Variants in RCOR1 observed in about 807,000 individuals in gnomAD.
The protein encoded by RCOR1 is REST corepressor.
In RCOR1, 12 loss-of-function variants were observed where a neutral mutation model predicts 64.0. That is an observed-to-expected ratio of 0.19 (90% CI 0.12 to 0.30). The LOEUF (loss-of-function observed/expected upper bound fraction) is 0.30, where lower values mean the gene tolerates loss of function less well. Among genes scored for constraint, RCOR1 ranks in the 10% least tolerant of loss-of-function variants. The pLI is 1.00. For synonymous variants in RCOR1, 279 were observed against 227.2 expected (o/e 1.23, Z -2.05); for missense variants, 502 against 621.2 (o/e 0.81, Z 2.04).
intron 2 of RCOR1, among the ~76,000 whole-genome samples, chr14:102,646,032 C>A (rs1894471659): frequency 6.6e-6 from 1 of 151,886 alleles, no homozygotes; most frequent in South Asian, 2.1e-4. Context: ...TACATCACAT[C>A]ATTTCTGCTC....
intron 3 of RCOR1, among the ~76,000 whole-genome samples, chr14:102,695,711 ATTTT>A (rs765805364): frequency 1.6e-5 from 2 of 123,156 alleles, no homozygotes; most frequent in Non-Finnish European, 3.5e-5. Context: ...ATGCCCTGCT[ATTTT>A]TTTTTTTTTT....
At chr14:102,669,713 C>T (rs886111412) in intron 2 of RCOR1, among the ~76,000 whole-genome samples, 43 of 152,154 alleles carry the variant, frequency 2.8e-4, no homozygotes, top group African/African-American at 1.0e-3. Context: ...TAAGGCACGT[C>T]AAAGTACACA....
chr14:102,666,196 G>GT (rs985644892), intron 2 of RCOR1, among the ~76,000 whole-genome samples: 2 of 152,170 alleles, frequency 1.3e-5, no homozygotes, highest in African/African-American at 4.8e-5. Context: ...GCCCAGAAAT[G>GT]TAATGACTGT....
At chr14:102,635,007 C>CT (rs1023196975) in intron 2 of RCOR1, among the ~76,000 whole-genome samples, 21 of 151,750 alleles carry the variant, frequency 1.4e-4, no homozygotes, top group South Asian at 4.2e-4. Flanking sequence ...CATGCCTGGC[C>CT]TTTTTTTAAA....
At chr14:102,647,892 T>C (rs1486985577) in intron 2 of RCOR1, among the ~76,000 whole-genome samples, 3 of 151,832 alleles carry the variant, frequency 2.0e-5, no homozygotes, top group Admixed American at 2.0e-4. Flanking sequence ...TTGACCAGGC[T>C]GATCTCAAAC....
Position 102,593,621 on chromosome 14 carries a change from C to T in RCOR1, c.361+296C>T, listed in dbSNP as rs115362063. ...GGTGGCCACACCTGGCCTGGGGGCGCTGGGGGTCCCTGCGTCCAGGTGAGC... is the reference window on the plus strand; with the variant it reads ...GGTGGCCACACCTGGCCTGGGGGCGTTGGGGGTCCCTGCGTCCAGGTGAGC... On this transcript the variant is annotated intron_variant, in intron 2 of 11. Coordinates refer to ENST00000262241, the MANE Select transcript of RCOR1 (RefSeq NM_015156.4). 4.2e-3 allele frequency among the ~76,000 whole-genome samples: 647 copies of T among 152,336 alleles called. 5 individuals are homozygous for T. Among genetic ancestry groups the T allele is most frequent in the African/African-American group, 0.015 (608 of 41,592 alleles).
chr14:102,713,455 TGTAGTTTTA>T (rs2139989521), intron 7 of RCOR1, among the ~76,000 whole-genome samples: 1 of 152,140 alleles, frequency 6.6e-6, no homozygotes, highest in East Asian at 1.9e-4. Flanking sequence ...GCTAATTTTT[TGTAGTTTTA>T]GTAGAGATGG....
chr14:102,645,865 C>G (rs986947972), intron 2 of RCOR1, among the ~76,000 whole-genome samples: 1 of 152,134 alleles, frequency 6.6e-6, no homozygotes, highest in Admixed American at 6.5e-5. Flanking sequence ...TGGAGAGGGC[C>G]GAGCTGAGCC....
intron 2 of RCOR1, among the ~76,000 whole-genome samples, chr14:102,668,121 A>G (rs549609272): frequency 6.6e-6 from 1 of 152,326 alleles, no homozygotes; most frequent in Non-Finnish European, 1.5e-5. Context: ...GGAAAGGTCA[A>G]CTTTTGTTAA....
In RCOR1 at chr14:102,721,079, C is replaced by A; in HGVS notation, c.1126C>A (p.Pro376Thr). The A allele has an allele frequency of 6.4e-7, 1 of 1,555,008 alleles. No individual in the cohort carries two copies. The highest frequency in any genetic ancestry group is 8.8e-7 in the Non-Finnish European group (1 of 1,137,914). ...TGGTGGAATAGAACCATATCGACTT[C>A]CAGAGGTAGGATTATGTTAACATCA... ...LDGGIEPYRL[P>T]EVIQKCNARW... Residue 376 changes from proline (P) to threonine (T), a missense_variant, in exon 9 of 12, where the codon CCA (proline) becomes ACA (threonine). Pro to Thr is a conservative substitution (Grantham distance 38). Coordinates refer to ENST00000262241, the MANE Select transcript of RCOR1 (RefSeq NM_015156.4).
Position 102,592,896 on chromosome 14 carries a change from A to G in RCOR1, c.10A>G (p.Met4Val). 1 of 1,227,438 alleles carries G rather than the reference A, an allele frequency of 8.1e-7. No individual in the cohort carries two copies. Among genetic ancestry groups the G allele is most frequent in the Non-Finnish European group, 1.0e-6 (1 of 980,984 alleles). The allele number at this position is 1,227,438 out of a possible 1,614,324, so 76.0% of individuals were successfully genotyped here. The change falls in exon 1 of 12, where the codon ATG (methionine) becomes GTG (valine). Residue 4 changes from methionine to valine, a missense_variant. Coordinates refer to ENST00000262241, the MANE Select transcript of RCOR1 (RefSeq NM_015156.4). Reference sequence around the variant, plus strand: ...GCCCCGGCCCCCGCCGATGCCGGCCATGGTGGAGAAGGGCCCCGAGGTCTC... The same window carrying G: ...GCCCCGGCCCCCGCCGATGCCGGCCGTGGTGGAGAAGGGCCCCGAGGTCTC... MPA[M>V]VEKGPEVSGK...
At chr14:102,723,696 C>T (rs1479944363) in intron 11 of RCOR1, among the ~76,000 whole-genome samples, 1 of 152,128 alleles carries the variant, frequency 6.6e-6, no homozygotes, top group Non-Finnish European at 1.5e-5. Flanking sequence ...GCACTAATTG[C>T]CCCTGTTAGC....
chr14:102,663,956 A>T (rs538986568), intron 2 of RCOR1, among the ~76,000 whole-genome samples: 1 of 152,278 alleles, frequency 6.6e-6, no homozygotes, highest in South Asian at 2.1e-4. Context: ...GTTATTAGTT[A>T]GAAACTGACT....
intron 3 of RCOR1, among the ~76,000 whole-genome samples, chr14:102,691,374 A>T (rs1431951465): frequency 6.6e-6 from 1 of 152,218 alleles, no homozygotes; most frequent in African/African-American, 2.4e-5. Context: ...TCATGGGTTC[A>T]TTTGTACCCC....
At chr14:102,609,244 T>G (rs1349202819) in intron 2 of RCOR1, among the ~76,000 whole-genome samples, 1 of 151,652 alleles carries the variant, frequency 6.6e-6, no homozygotes, top group Non-Finnish European at 1.5e-5. Context: ...TGGAGAAACA[T>G]GTTGGCCAGG....
chr14:102,611,532 T>C (rs887425016), intron 2 of RCOR1, among the ~76,000 whole-genome samples: 1 of 152,192 alleles, frequency 6.6e-6, no homozygotes, highest in Non-Finnish European at 1.5e-5. Flanking sequence ...CATCATGAAT[T>C]TTACTTTGTT....
At chr14:102,610,916 GA>G (rs1893619007) in intron 2 of RCOR1, among the ~76,000 whole-genome samples, 1 of 152,130 alleles carries the variant, frequency 6.6e-6, no homozygotes, top group South Asian at 2.1e-4. Context: ...TCAAGTGCAT[GA>G]AATTTGAGAT....
chr14:102,601,201 C>T (rs1159933346), intron 2 of RCOR1, among the ~76,000 whole-genome samples: 1 of 151,346 alleles, frequency 6.6e-6, no homozygotes, highest in African/African-American at 2.4e-5. Context: ...AAAAAAAAGA[C>T]GGGGTTTCAC....
chr14:102,664,053 C>T (rs1287652474), intron 2 of RCOR1, among the ~76,000 whole-genome samples: 1 of 152,100 alleles, frequency 6.6e-6, no homozygotes, highest in East Asian at 1.9e-4. Flanking sequence ...AGAAAAGGGA[C>T]ATAGATTAGG....
Sources: gnomAD v4.1 joint callset for allele counts (sites outside exome capture counted in the v4.1 genomes callset) on GRCh38, gnomAD v4.1.1 for gene constraint, MANE v1.5 for transcripts, NCBI Gene and HGNC (gene_info 2026-07-23, HGNC 2026-07-21) for gene names.